Variants in GRIN3A observed in about 807,000 individuals in gnomAD.
The protein encoded by GRIN3A is glutamate ionotropic receptor NMDA type subunit 3A, also known as glutamate receptor ionotropic, NMDA 3A.
Under a neutral mutation model 92.4 loss-of-function variants are expected in GRIN3A, and 47 were observed. The observed-to-expected ratio is 0.51, with a 90% CI of 0.40 to 0.65. The LOEUF (loss-of-function observed/expected upper bound fraction) is 0.65, where lower values mean the gene tolerates loss of function less well. GRIN3A is among the 30% of genes least tolerant of loss of function. The pLI, the probability that GRIN3A is intolerant of heterozygous loss-of-function variation, is 0.00. For missense variants in GRIN3A, 1,324 were observed against 1,393.1 expected, an observed-to-expected ratio of 0.95 and a Z score of 0.79; for synonymous variants, 527 against 540.6, an observed-to-expected ratio of 0.97 and a Z score of 0.35.
At chr9:101,690,599 G>T (rs1184515567) in intron 1 of GRIN3A, among the ~76,000 whole-genome samples, 2 of 152,118 alleles carry the variant, frequency 1.3e-5, no homozygotes, top group East Asian at 3.9e-4. Flanking sequence ...TGCTTAACCC[G>T]CTATGGATCA....
intron 3 of GRIN3A, among the ~76,000 whole-genome samples, chr9:101,637,788 C>T (rs1399883744): frequency 6.6e-6 from 1 of 152,082 alleles, no homozygotes; most frequent in African/African-American, 2.4e-5. Context: ...AATTCCAGAG[C>T]CTTTGTATCC....
intron 1 of GRIN3A, among the ~76,000 whole-genome samples, chr9:101,702,570 T>C (rs1829769416): frequency 6.6e-6 from 1 of 152,174 alleles, no homozygotes; most frequent in Admixed American, 6.5e-5. Flanking sequence ...GTCATTTCTC[T>C]AAGTTTGGTG....
rs1827735632 is a variant in GRIN3A at position 101,569,860 on chromosome 9, GCT to G, written c.*3312_*3313del. The G allele has an allele frequency of 2.6e-5, 4 of 152,130 alleles. No individual in the cohort carries two copies. Among genetic ancestry groups the G allele is most frequent in the African/African-American group, 9.6e-5 (4 of 41,530 alleles). 9.4% of individuals were successfully genotyped at this position (152,130 alleles called of 1,614,324 possible). ...AAGGAAGTGCTTAACTTGCTCTAAG[GCT>G]CTAACAGACACAGCACCAACACTGA... On this transcript the variant is annotated 3_prime_UTR_variant, in exon 9 of 9. Coordinates refer to ENST00000361820, the MANE Select transcript of GRIN3A (RefSeq NM_133445.3).
At position 101,571,547 on chromosome 9, in the gene GRIN3A, A is replaced by G. The variant is rs1827759981; in HGVS notation, c.*1627T>C. The G allele has an allele frequency of 6.6e-6, 1 of 152,232 alleles. No individual in the cohort carries two copies. The highest frequency in any genetic ancestry group is 2.4e-5 in the African/African-American group (1 of 41,458). 9.4% of individuals were successfully genotyped at this position (152,232 alleles called of 1,614,324 possible). A position where few individuals can be genotyped will look rare whatever the true frequency, so the allele number is the denominator to read the frequency against. On this transcript the variant is annotated 3_prime_UTR_variant, in exon 9 of 9. Coordinates refer to ENST00000361820, the MANE Select transcript of GRIN3A (RefSeq NM_133445.3). ...TGAGAAGATAAATCAAGTAATTGAT[A>G]AATAAGGAAGTCTTGTCCTAAATGG...
chr9:101,594,525 C>T (rs1226023557), intron 6 of GRIN3A: 2 of 1,614,184 alleles, frequency 1.2e-6, no homozygotes, highest in Admixed American at 1.7e-5. Context: ...GTTTTGTCGA[C>T]CAGCTGCTGG....
intron 3 of GRIN3A, 52 bp from the exon 4 acceptor site, chr9:101,628,453 T>A: frequency 6.5e-7 from 1 of 1,538,588 alleles, no homozygotes; most frequent in Non-Finnish European, 8.9e-7. Flanking sequence ...TTAGAAGTGT[T>A]TTTTAACATT....
intron 5 of GRIN3A, among the ~76,000 whole-genome samples, chr9:101,614,252 G>A (rs1828408294): frequency 6.6e-6 from 1 of 152,242 alleles, no homozygotes; most frequent in East Asian, 1.9e-4. Flanking sequence ...CAGCAATTCT[G>A]TTCCTGAGTC....
chr9:101,663,680 C>G (rs879725321), intron 3 of GRIN3A, among the ~76,000 whole-genome samples: 1 of 135,676 alleles, frequency 7.4e-6, no homozygotes, highest in Non-Finnish European at 1.7e-5. Flanking sequence ...TAAGGCTCTG[C>G]CAATGTCCTT....
chr9:101,613,662 C>T, intron 5 of GRIN3A, 135 bp from the exon 6 acceptor site: 1 of 781,576 alleles, frequency 1.3e-6, no homozygotes, highest in Non-Finnish European at 2.2e-6. Context: ...TCTTTCAAAG[C>T]ACTCAAAGAC....
At chr9:101,632,570 T>G (rs1828729532) in intron 3 of GRIN3A, among the ~76,000 whole-genome samples, 1 of 152,240 alleles carries the variant, frequency 6.6e-6, no homozygotes, top group Non-Finnish European at 1.5e-5. Context: ...TTATCACACC[T>G]CCTGCTGTCT....
chr9:101,699,480 C>T (rs969904487), intron 1 of GRIN3A, among the ~76,000 whole-genome samples: 10 of 152,216 alleles, frequency 6.6e-5, no homozygotes, highest in African/African-American at 2.4e-4. Flanking sequence ...TATAGAATCA[C>T]TGTTGTATAT....
chr9:101,693,129 G>T (rs1829640874), intron 1 of GRIN3A, among the ~76,000 whole-genome samples: 1 of 152,114 alleles, frequency 6.6e-6, no homozygotes, highest in East Asian at 1.9e-4. Context: ...CTTGGGCCAG[G>T]TGTAGTGGCT....
rs1827947409 is a variant in GRIN3A, at chr9:101,586,098, TTCTCAAATG to T, written c.2767-6747_2767-6739del. On this transcript the variant is annotated intron_variant, in intron 6 of 8. Transcript: ENST00000361820. Reference sequence around the variant, plus strand: ...CCTTCCCTCACTTTCTTTAGGTTTCTTCTCAAATGTCACCTATCCATGAAGTTTACCCTA... The same window carrying T: ...CCTTCCCTCACTTTCTTTAGGTTTCTTCACCTATCCATGAAGTTTACCCTA... Among the ~76,000 whole-genome samples, 4 of 152,222 alleles carry T rather than the reference TTCTCAAATG, an allele frequency of 2.6e-5. No homozygotes were observed. In the South Asian group the frequency reaches 8.3e-4, roughly 32 times the overall value.
chr9:101,737,593 TAGG>T lies in GRIN3A; in HGVS notation c.384_386del (p.Leu129del). The T allele has an allele frequency of 1.9e-6, 3 of 1,613,878 alleles. No homozygotes were observed. Among genetic ancestry groups the T allele is most frequent in the Non-Finnish European group, 1.7e-6 (2 of 1,179,984 alleles). ...CGCGGTTCAGGTTGTCCACGGCAAA[TAGG>T]AGGGCGTCCCGTGGCCACAGGGCCT... On this transcript the variant is annotated inframe_deletion, in exon 1 of 9. Coordinates refer to ENST00000361820, the MANE Select transcript of GRIN3A (RefSeq NM_133445.3).
chr9:101,653,029 T>C (rs1015236212), intron 3 of GRIN3A, among the ~76,000 whole-genome samples: 5 of 151,924 alleles, frequency 3.3e-5, no homozygotes, highest in Non-Finnish European at 7.4e-5. Context: ...AAATGAAACA[T>C]TTTCACAAAT....
intron 1 of GRIN3A, among the ~76,000 whole-genome samples, chr9:101,696,142 G>T (rs1829681258): frequency 1.3e-5 from 2 of 152,172 alleles, no homozygotes; most frequent in Admixed American, 1.3e-4. Context: ...TAGAGATCCG[G>T]ACTCTTGTCA....
chr9:101,679,950 C>T (rs915004028), intron 2 of GRIN3A, among the ~76,000 whole-genome samples: 13 of 152,142 alleles, frequency 8.5e-5, no homozygotes, highest in African/African-American at 2.2e-4. Flanking sequence ...ATTTGTATAG[C>T]TTCAGGCTGA....
chr9:101,594,853 C>T (rs780596953), intron 6 of GRIN3A: 14 of 1,605,622 alleles, frequency 8.7e-6, no homozygotes, highest in Non-Finnish European at 1.2e-5. Context: ...ACCTCCTGCC[C>T]AGCCTTTTAA....
At chr9:101,577,664 ATTC>A in intron 8 of GRIN3A, 101 bp downstream of exon 8, 1 of 879,066 alleles carries the variant, frequency 1.1e-6, no homozygotes, top group Admixed American at 1.7e-5. Context: ...ATTTATACTG[ATTC>A]TTTTGATAAA....
Sources: gnomAD v4.1 joint callset for allele counts (sites outside exome capture counted in the v4.1 genomes callset) on GRCh38, gnomAD v4.1.1 for gene constraint, MANE v1.5 for transcripts, NCBI Gene and HGNC (gene_info 2026-07-23, HGNC 2026-07-21) for gene names.